Variants in ATXN8OS observed in about 807,000 individuals in gnomAD.
ATXN8OS encodes the protein ATXN8 opposite strand (non-protein coding).
chr13:70,134,189 C>T (rs534132543), intron 3 of ATXN8OS, among the ~76,000 whole-genome samples: 38 of 152,220 alleles, frequency 2.5e-4, no homozygotes, highest in South Asian at 8.3e-4. Context: ...GTAGGCCATC[C>T]GTATTGTCAA....
intron 4 of ATXN8OS, among the ~76,000 whole-genome samples, chr13:70,166,523 A>G (rs1889077693): frequency 6.6e-6 from 1 of 152,206 alleles, no homozygotes; most frequent in Admixed American, 6.6e-5. Flanking sequence ...TTCAAGATGG[A>G]TTAAAGACTT....
At chr13:70,132,758 T>C (rs1405370232) in intron 3 of ATXN8OS, among the ~76,000 whole-genome samples, 1 of 152,212 alleles carries the variant, frequency 6.6e-6, no homozygotes, top group African/African-American at 2.4e-5. Flanking sequence ...TTAGATAACA[T>C]GTTAAATAAT....
exon 2 of ATXN8OS, chr13:70,115,289 A>G: frequency 2.5e-6 from 1 of 398,268 alleles, no homozygotes; most frequent in Non-Finnish European, 4.4e-6. Context: ...AGGAGACAGA[A>G]CCTACTCCTG....
intron 3 of ATXN8OS, among the ~76,000 whole-genome samples, chr13:70,141,233 A>G (rs958988271): frequency 3.3e-5 from 5 of 152,218 alleles, no homozygotes; most frequent in Middle Eastern, 3.4e-3. Context: ...CTCTTTCGTC[A>G]TCGATATATT....
chr13:70,107,462 A>G (rs766532705), upstream of ATXN8OS: 172 of 1,613,912 alleles, frequency 1.1e-4, no homozygotes, highest in Non-Finnish European at 1.3e-4. Context: ...GACGGGGAGG[A>G]CGATGAAGAG....
At chr13:70,165,837 G>A (rs773529248) in intron 4 of ATXN8OS, among the ~76,000 whole-genome samples, 7 of 151,890 alleles carry the variant, frequency 4.6e-5, no homozygotes, top group Non-Finnish European at 8.8e-5. Context: ...GAGTCCTTGA[G>A]AAAAATTACA....
intron 3 of ATXN8OS, chr13:70,139,380 ACTACTGCTG>A (rs1308328280): frequency 2.7e-4 from 153 of 576,616 alleles, no homozygotes; most frequent in Middle Eastern, 9.0e-4. Flanking sequence ...TACTACTACT[ACTACTGCTG>A]CTGCTGCTGC....
At chr13:70,137,025 A>G (rs1888626971) in intron 3 of ATXN8OS, among the ~76,000 whole-genome samples, 1 of 152,174 alleles carries the variant, frequency 6.6e-6, no homozygotes, top group Admixed American at 6.6e-5. Context: ...CATGAGAGAG[A>G]TCTGCAATTC....
intron 2 of ATXN8OS, among the ~76,000 whole-genome samples, chr13:70,116,974 T>C (rs951847917): frequency 6.6e-6 from 1 of 152,160 alleles, no homozygotes. Context: ...TCTTCACTGA[T>C]GCAGAATGCT....
chr13:70,151,365 A>G (rs1398657903), intron 4 of ATXN8OS, among the ~76,000 whole-genome samples: 2 of 152,100 alleles, frequency 1.3e-5, no homozygotes, highest in East Asian at 3.9e-4. Flanking sequence ...TATTTTAGGT[A>G]TCTAAAAGAA....
At chr13:70,156,063 C>G (rs1888932161) in intron 4 of ATXN8OS, among the ~76,000 whole-genome samples, 1 of 152,074 alleles carries the variant, frequency 6.6e-6, no homozygotes, top group African/African-American at 2.4e-5. Flanking sequence ...AAAAAACTGG[C>G]TTTCCTAACT....
chr13:70,156,886 G>C (rs939168209), intron 4 of ATXN8OS, among the ~76,000 whole-genome samples: 1 of 152,044 alleles, frequency 6.6e-6, no homozygotes, highest in African/African-American at 2.4e-5. Context: ...TCCATCAGTA[G>C]TCATGGAAGA....
At chr13:70,147,885 T>C (rs1888808931) in intron 4 of ATXN8OS, among the ~76,000 whole-genome samples, 1 of 152,158 alleles carries the variant, frequency 6.6e-6, no homozygotes, top group Admixed American at 6.5e-5. Flanking sequence ...AGACAGAAAT[T>C]ACAGGCAAAA....
At chr13:70,160,295 G>A (rs530054301) in intron 4 of ATXN8OS, among the ~76,000 whole-genome samples, 2 of 151,630 alleles carry the variant, frequency 1.3e-5, no homozygotes, top group South Asian at 2.1e-4. Flanking sequence ...ATGACATTGA[G>A]CATTATTTTA....
chr13:70,142,136 G>A (rs1469522739), intron 3 of ATXN8OS, among the ~76,000 whole-genome samples: 2 of 151,958 alleles, frequency 1.3e-5, no homozygotes, highest in Non-Finnish European at 2.9e-5. Context: ...CACCTGCCTC[G>A]GCCTCCCAAA....
intron 2 of ATXN8OS, among the ~76,000 whole-genome samples, chr13:70,115,825 T>C (rs1888271428): frequency 6.6e-6 from 1 of 152,042 alleles, no homozygotes; most frequent in Non-Finnish European, 1.5e-5. Flanking sequence ...TGAAAACAAA[T>C]AGAATTATAA....
chr13:70,110,548 C>T (rs955994479), intron 1 of ATXN8OS, among the ~76,000 whole-genome samples: 11 of 146,622 alleles, frequency 7.5e-5, no homozygotes, highest in Non-Finnish European at 1.4e-4. Context: ...GTGAGAAGGA[C>T]GAGAAGAGAA....
chr13:70,120,282 G>A (rs1443172482), intron 2 of ATXN8OS, among the ~76,000 whole-genome samples: 2 of 152,116 alleles, frequency 1.3e-5, no homozygotes, highest in African/African-American at 2.4e-5. Flanking sequence ...TTTCAATGAT[G>A]TCAAAAAGAT....
rs1267926268 is a variant in ATXN8OS at position 70,125,407 on chromosome 13, T to C, written n.399-4377T>C. Among the ~76,000 whole-genome samples, 3 of 152,302 alleles carry C rather than the reference T, an allele frequency of 2.0e-5. No homozygotes were observed. The East Asian group carries it at 5.8e-4, about 29-fold the overall frequency. The stretch of plus-strand genomic sequence containing the variant: ...TGCATCCAATGAATAAGAGATCTTT[T>C]CCTTACGAGGTAAACGCCATACCAT... On this transcript the variant is annotated intron_variant and non_coding_transcript_variant, in intron 2 of 4. Coordinates refer to ENST00000678624, the Ensembl canonical transcript of ATXN8OS.
Sources: gnomAD v4.1 joint callset for allele counts (sites outside exome capture counted in the v4.1 genomes callset) on GRCh38, gnomAD v4.1.1 for gene constraint, MANE v1.5 for transcripts, NCBI Gene and HGNC (gene_info 2026-07-23, HGNC 2026-07-21) for gene names.